Variants in UGT1A7 observed in about 807,000 individuals in gnomAD.
UGT1A7 encodes the protein UDP glucuronosyltransferase family 1 member A7.
In UGT1A7, 33 loss-of-function variants were observed where a neutral mutation model predicts 45.6. That is an observed-to-expected ratio of 0.72 (90% confidence interval 0.55 to 0.97). UGT1A7 has a LOEUF of 0.97. Ranked by LOEUF, UGT1A7 falls within the 50% of genes least tolerant of loss-of-function variation. UGT1A7 has a pLI of 0.00. For synonymous variants in UGT1A7, 274 were observed against 250.6 expected (o/e 1.09, Z -0.88); for missense variants, 684 against 666.2 (o/e 1.03, Z -0.29).
chr2:233,709,154 G>A (rs2076061128), intron 1 of UGT1A7, among the ~76,000 whole-genome samples: 1 of 152,156 alleles, frequency 6.6e-6, no homozygotes, highest in Non-Finnish European at 1.5e-5. Context: ...CTGATTGGTT[G>A]AGGCCTAGGT....
At chr2:233,738,377 G>A (rs1404110801) in intron 1 of UGT1A7, among the ~76,000 whole-genome samples, 2 of 152,188 alleles carry the variant, frequency 1.3e-5, no homozygotes, top group Admixed American at 1.3e-4. Flanking sequence ...AAAACTACTT[G>A]AAAATGTGGA....
chr2:233,720,278 T>A (rs1449886876), intron 1 of UGT1A7, among the ~76,000 whole-genome samples: 2 of 151,854 alleles, frequency 1.3e-5, no homozygotes. Flanking sequence ...CTGAGAAAAG[T>A]TTTTCTGACC....
chr2:233,693,699 T>A, intron 1 of UGT1A7: 1 of 1,614,240 alleles, frequency 6.2e-7, no homozygotes, highest in Non-Finnish European at 8.5e-7. Flanking sequence ...TATGAAGAAC[T>A]CGCATCAGCT....
chr2:233,726,048 C>T (rs2077495587), intron 1 of UGT1A7, among the ~76,000 whole-genome samples: 1 of 152,078 alleles, frequency 6.6e-6, no homozygotes, highest in African/African-American at 2.4e-5. Context: ...CACCTGTGGT[C>T]CCAGCTACTC....
chr2:233,725,264 G>GGCAGAGGCAGAGGCA (rs1216362118), intron 1 of UGT1A7, among the ~76,000 whole-genome samples: 1 of 58,548 alleles, frequency 1.7e-5, no homozygotes, highest in African/African-American at 1.3e-4. Flanking sequence ...CAGAGGCAGA[G>GGCAGAGGCAGAGGCA]GAGGCAGAGG....
At chr2:233,765,695 ATAATAATAATAATAAT>A (rs1033390367) in intron 1 of UGT1A7, among the ~76,000 whole-genome samples, 7 of 145,802 alleles carry the variant, frequency 4.8e-5, no homozygotes, top group Admixed American at 1.4e-4. Flanking sequence ...CTTCAAGTAA[ATAATAATAATAATAAT>A]TAATAATAAT....
chr2:233,743,757 C>T, intron 1 of UGT1A7: 2 of 1,367,374 alleles, frequency 1.5e-6, no homozygotes, highest in Non-Finnish European at 2.0e-6. Flanking sequence ...GACAACACCT[C>T]GTAGGCCTCG....
intron 1 of UGT1A7, among the ~76,000 whole-genome samples, chr2:233,707,429 T>C (rs773966479): frequency 7.2e-5 from 11 of 152,196 alleles, no homozygotes; most frequent in Non-Finnish European, 1.6e-4. Context: ...ATTTCTTTGC[T>C]TTTCTTTACA....
chr2:233,695,757 C>T (rs1051852245), intron 1 of UGT1A7, among the ~76,000 whole-genome samples: 2 of 152,104 alleles, frequency 1.3e-5, no homozygotes, highest in Non-Finnish European at 2.9e-5. Context: ...GGTCTTCATC[C>T]TTTTTTATGG....
chr2:233,711,980 C>T (rs1575497324), intron 1 of UGT1A7, among the ~76,000 whole-genome samples: 1 of 152,172 alleles, frequency 6.6e-6, no homozygotes, highest in African/African-American at 2.4e-5. Flanking sequence ...ACTAGAGCCC[C>T]CACAAATTAT....
intron 1 of UGT1A7, chr2:233,729,151 C>T (rs780105483): frequency 1.2e-6 from 2 of 1,613,562 alleles, no homozygotes; most frequent in Non-Finnish European, 1.7e-6. Flanking sequence ...CCAGGTTCCC[C>T]TGCCGTGGCT....
intron 1 of UGT1A7, chr2:233,712,899 G>A (rs2076260156): frequency 1.1e-5 from 18 of 1,608,322 alleles, no homozygotes; most frequent in Non-Finnish European, 1.4e-5. Context: ...TGATTTGCTA[G>A]GTGTCTCAGT....
intron 1 of UGT1A7, among the ~76,000 whole-genome samples, chr2:233,757,460 G>A (rs34757826): frequency 4.7e-5 from 7 of 149,338 alleles, no homozygotes; most frequent in Non-Finnish European, 7.4e-5. Context: ...TGTCCAGAGC[G>A]CTTACTGTCT....
At chr2:233,745,942 T>C (rs1437822844) in intron 1 of UGT1A7, among the ~76,000 whole-genome samples, 1 of 151,412 alleles carries the variant, frequency 6.6e-6, no homozygotes, top group Non-Finnish European at 1.5e-5. Flanking sequence ...CAGCTGGGGG[T>C]TGGGCAACTG....
At chr2:233,730,201 G>A (rs1312808089) in intron 1 of UGT1A7, among the ~76,000 whole-genome samples, 2 of 152,190 alleles carry the variant, frequency 1.3e-5, no homozygotes, top group Non-Finnish European at 2.9e-5. Context: ...AGAGGAAGAG[G>A]AAGTAGACAC....
At chr2:233,719,615 C>A (rs2076787703) in intron 1 of UGT1A7, 1 of 1,614,016 alleles carries the variant, frequency 6.2e-7, no homozygotes, top group Non-Finnish European at 8.5e-7. Flanking sequence ...TGATGGACTA[C>A]CCCAGGCCGA....
Position 233,767,734 on chromosome 2 carries a change from ACT to A in UGT1A7, c.988-112_988-111del, listed in dbSNP as rs1191822668. On this transcript the variant is annotated intron_variant, in intron 2 of 4. Coordinates refer to ENST00000373426, the MANE Select transcript of UGT1A7 (RefSeq NM_019077.3). Reference sequence around the variant, plus strand: ...AGCCTTCACAGTTACTGATCCTCCCACTCTGTTAAAGACTGTTCCTTCAGAGG... The same window carrying A: ...AGCCTTCACAGTTACTGATCCTCCCACTGTTAAAGACTGTTCCTTCAGAGG... 4 of 1,567,824 alleles carry A rather than the reference ACT, an allele frequency of 2.6e-6. No homozygotes were observed. The Admixed American group carries it at 7.4e-5, about 29-fold the overall frequency.
chr2:233,746,231 A>C, intron 1 of UGT1A7, among the ~76,000 whole-genome samples: 1 of 151,848 alleles, frequency 6.6e-6, no homozygotes, highest in Non-Finnish European at 1.5e-5. Context: ...AGATATGCAA[A>C]CTGCTAAAAG....
In UGT1A7 at chr2:233,749,353, T is replaced by G. The variant is rs1479557854; in HGVS notation, c.856-17681T>G. On this transcript the variant is annotated intron_variant, in intron 1 of 4. Transcript: ENST00000373426. The stretch of plus-strand genomic sequence containing the variant: ...GTTGAAAAGTGGGATGGAATTTAAA[T>G]AGTGACTCTTGCCCTTTTCTTCCAG... 5.9e-5 allele frequency among the ~76,000 whole-genome samples: 9 copies of G among 151,918 alleles called. 1 individual carries two copies. The East Asian group carries it at 1.7e-3, about 29-fold the overall frequency.
Sources: gnomAD v4.1 joint callset for allele counts (sites outside exome capture counted in the v4.1 genomes callset) on GRCh38, gnomAD v4.1.1 for gene constraint, MANE v1.5 for transcripts, NCBI Gene and HGNC (gene_info 2026-07-23, HGNC 2026-07-21) for gene names.